Variants in PARM1 observed in about 807,000 individuals in gnomAD.
The protein encoded by PARM1 is WSC4, cell wall integrity and stress response component 4 homolog.
Under a neutral mutation model 24.6 loss-of-function variants are expected in PARM1, and 14 were observed. The ratio of observed to expected loss-of-function variants is 0.57; its 90% confidence interval spans 0.38 to 0.89. The LOEUF (loss-of-function observed/expected upper bound fraction) is 0.89, where lower values mean the gene tolerates loss of function less well. Among genes scored for constraint, PARM1 ranks in the 40% least tolerant of loss-of-function variants. The pLI is 0.00. For missense variants in PARM1, 362 were observed against 380.4 expected, an observed-to-expected ratio of 0.95 and a Z score of 0.40; for synonymous variants, 179 against 156.6, an observed-to-expected ratio of 1.14 and a Z score of -1.07.
chr4:75,003,541 G>A (rs1205671918), intron 1 of PARM1, among the ~76,000 whole-genome samples: 1 of 152,128 alleles, frequency 6.6e-6, no homozygotes, highest in Non-Finnish European at 1.5e-5. Flanking sequence ...ATTGAATTAT[G>A]TCTCATTTCC....
At chr4:75,038,137 G>A (rs559475191) in intron 3 of PARM1, among the ~76,000 whole-genome samples, 4 of 152,270 alleles carry the variant, frequency 2.6e-5, no homozygotes, top group East Asian at 3.9e-4. Flanking sequence ...GGGTGGTCTC[G>A]CTCTTCTGAC....
chr4:74,935,291 A>T (rs546691719), intron 1 of PARM1, among the ~76,000 whole-genome samples: 1 of 152,196 alleles, frequency 6.6e-6, no homozygotes, highest in Non-Finnish European at 1.5e-5. Flanking sequence ...TTCCCCCTGA[A>T]GTTTGTGCCT....
At chr4:75,024,043 G>A (rs745794424) in intron 2 of PARM1, among the ~76,000 whole-genome samples, 1 of 152,050 alleles carries the variant, frequency 6.6e-6, no homozygotes, top group Non-Finnish European at 1.5e-5. Context: ...AGGCCGAGAC[G>A]GGCAGATCAC....
At chr4:74,972,942 C>G (rs766529664) in intron 1 of PARM1, among the ~76,000 whole-genome samples, 1 of 152,160 alleles carries the variant, frequency 6.6e-6, no homozygotes, top group Non-Finnish European at 1.5e-5. Context: ...GAGTAGATGA[C>G]AGTAAAACAT....
Position 74,938,261 on chromosome 4 carries a change from A to C in PARM1, c.43+4891A>C, listed in dbSNP as rs115238732. Among the ~76,000 whole-genome samples the C allele has an allele frequency of 1.3e-3, 195 of 152,310 alleles. 3 individuals are homozygous for C. Among genetic ancestry groups the C allele is most frequent in the African/African-American group, 4.6e-3 (190 of 41,570 alleles). ...TTAAGCAATAATTTACCCTAAGGGG[A>C]TTATAACACCCCACCGGAAGCAATG... On this transcript the variant is annotated intron_variant, in intron 1 of 3. Transcript: ENST00000307428.
chr4:75,032,471 T>A (rs1288563503), intron 2 of PARM1, among the ~76,000 whole-genome samples: 2 of 152,040 alleles, frequency 1.3e-5, no homozygotes, highest in Non-Finnish European at 1.5e-5. Context: ...CAAAAATAAA[T>A]AAATAAAAGA....
At chr4:74,960,671 C>T (rs1721750893) in intron 1 of PARM1, among the ~76,000 whole-genome samples, 1 of 151,840 alleles carries the variant, frequency 6.6e-6, no homozygotes, top group Non-Finnish European at 1.5e-5. Flanking sequence ...GAAAAATAAC[C>T]CAATAGAAAC....
At chr4:74,988,915 C>A (rs1722409415) in intron 1 of PARM1, among the ~76,000 whole-genome samples, 1 of 152,090 alleles carries the variant, frequency 6.6e-6, no homozygotes, top group Non-Finnish European at 1.5e-5. Context: ...TAGTATAAGC[C>A]AAAACCACTG....
chr4:74,975,220 A>C (rs532738688), intron 1 of PARM1, among the ~76,000 whole-genome samples: 2 of 152,350 alleles, frequency 1.3e-5, no homozygotes, highest in South Asian at 2.1e-4. Context: ...ATCACTCTTT[A>C]AAAAACCAAG....
intron 1 of PARM1, among the ~76,000 whole-genome samples, chr4:74,947,732 A>G (rs893421835): frequency 6.6e-6 from 1 of 152,236 alleles, no homozygotes; most frequent in African/African-American, 2.4e-5. Context: ...CTGTGAGTTA[A>G]TAATTGCTGA....
chr4:74,949,609 G>T (rs1470199036), intron 1 of PARM1, among the ~76,000 whole-genome samples: 1 of 152,214 alleles, frequency 6.6e-6, no homozygotes, highest in East Asian at 1.9e-4. Flanking sequence ...ACTGCGCCCA[G>T]CCTATAGGTC....
At chr4:74,998,586 T>C (rs1722618963) in intron 1 of PARM1, among the ~76,000 whole-genome samples, 2 of 152,238 alleles carry the variant, frequency 1.3e-5, no homozygotes, top group Admixed American at 1.3e-4. Context: ...TTTAGTTCAT[T>C]ATGAGGAACA....
chr4:75,017,066 C>G (rs1296348260), intron 2 of PARM1, among the ~76,000 whole-genome samples: 1 of 152,146 alleles, frequency 6.6e-6, no homozygotes, highest in Non-Finnish European at 1.5e-5. Context: ...ATCCTAGACT[C>G]CTTTCTTTCT....
intron 1 of PARM1, among the ~76,000 whole-genome samples, chr4:74,940,376 A>C (rs985183655): frequency 2.0e-5 from 3 of 152,200 alleles, no homozygotes; most frequent in Admixed American, 1.3e-4. Flanking sequence ...GCTTATAAAC[A>C]ATATTTATTT....
At chr4:74,961,351 G>A (rs1025739352) in intron 1 of PARM1, among the ~76,000 whole-genome samples, 9 of 151,888 alleles carry the variant, frequency 5.9e-5, no homozygotes, top group African/African-American at 1.5e-4. Flanking sequence ...TGAAAGTCTC[G>A]GAAGGAGAAG....
At chr4:74,936,547 G>GA (rs982365810) in intron 1 of PARM1, among the ~76,000 whole-genome samples, 2 of 150,130 alleles carry the variant, frequency 1.3e-5, no homozygotes, top group African/African-American at 4.9e-5. Flanking sequence ...TCCGCCTCCC[G>GA]GGTTCACGCC....
At chr4:74,960,882 G>A (rs1459479127) in intron 1 of PARM1, among the ~76,000 whole-genome samples, 2 of 151,790 alleles carry the variant, frequency 1.3e-5, no homozygotes, top group East Asian at 3.9e-4. Flanking sequence ...GGGTGTGGTG[G>A]CAGGCCCCTG....
intron 2 of PARM1, among the ~76,000 whole-genome samples, chr4:75,026,096 A>G (rs899840503): frequency 6.6e-6 from 1 of 152,252 alleles, no homozygotes; most frequent in African/African-American, 2.4e-5. Flanking sequence ...GGTTGTGTTA[A>G]TTAAAAATAC....
At chr4:74,956,738 C>T (rs188517650) in intron 1 of PARM1, 1 of 152,326 alleles carries the variant, frequency 6.6e-6, no homozygotes, top group East Asian at 1.9e-4. Flanking sequence ...AGTATTTACT[C>T]TATAATCTTT....
Sources: gnomAD v4.1 joint callset for allele counts (sites outside exome capture counted in the v4.1 genomes callset) on GRCh38, gnomAD v4.1.1 for gene constraint, MANE v1.5 for transcripts, NCBI Gene and HGNC (gene_info 2026-07-23, HGNC 2026-07-21) for gene names.